Variants in CAMK1 observed in about 807,000 individuals in gnomAD.
The protein encoded by CAMK1 is calcium/calmodulin dependent protein kinase I.
Under a neutral mutation model 49.1 loss-of-function variants are expected in CAMK1, and 39 were observed. The observed-to-expected ratio is 0.79, with a 90% CI of 0.62 to 1.04. The LOEUF (loss-of-function observed/expected upper bound fraction) is 1.04. Among genes scored for constraint, CAMK1 ranks in the 50% least tolerant of loss-of-function variants. The pLI, the probability that CAMK1 is intolerant of heterozygous loss-of-function variation, is 0.00. For synonymous variants in CAMK1, 192 were observed against 185.2 expected, an observed-to-expected ratio of 1.04 and a Z score of -0.30; for missense variants, 457 against 472.2, an observed-to-expected ratio of 0.97 and a Z score of 0.30.
chr3:9,763,403 CAA>C (rs571944870), intron 3 of CAMK1, 190 bp from the exon 4 acceptor site: 3,568 of 76,030 alleles, frequency 0.047, 135 homozygotes, highest in African/African-American at 0.14. Context: ...GACCCTGTCT[CAA>C]AAAAAAAAAA....
chr3:9,761,914 G>T, intron 5 of CAMK1, 157 bp from the exon 6 acceptor site: 1 of 1,169,472 alleles, frequency 8.6e-7, no homozygotes, highest in Non-Finnish European at 1.2e-6. Context: ...TCTCAAGAAG[G>T]CCAAAAATTC....
chr3:9,760,648 C>T lies in CAMK1; in HGVS notation c.745+8G>A, dbSNP rs2077814694. On this transcript the variant is annotated splice_region_variant and intron_variant, in intron 8 of 11. Transcript: ENST00000256460. Reference sequence around the variant, plus strand: ...GGGCCCAGGGGAAAAAAGCAAAGCCCCAAATACCAGAGTCAGAGATGTCGT... The same window carrying T: ...GGGCCCAGGGGAAAAAAGCAAAGCCTCAAATACCAGAGTCAGAGATGTCGT... 1 of 1,613,714 alleles carries T rather than the reference C, an allele frequency of 6.2e-7. No individual in the cohort carries two copies. The highest frequency in any genetic ancestry group is 8.5e-7 in the Non-Finnish European group (1 of 1,179,820).
intron 10 of CAMK1, chr3:9,758,414 G>C (rs962026897): frequency 3.2e-5 from 5 of 154,588 alleles, no homozygotes; most frequent in African/African-American, 1.2e-4. Context: ...CCACAGTCTT[G>C]GGCCAGCCCT....
chr3:9,767,913 CA>C, intron 1 of CAMK1, 132 bp from the exon 2 acceptor site: 1 of 1,304,440 alleles, frequency 7.7e-7, no homozygotes, highest in South Asian at 1.7e-5. Flanking sequence ...AATCATTCAA[CA>C]AACATTCATT....
chr3:9,763,023 A>G lies in CAMK1; in HGVS notation c.320T>C (p.Ile107Thr), dbSNP rs2077961368. 5 of 1,613,990 alleles carry G rather than the reference A, an allele frequency of 3.1e-6. No homozygotes were observed. The highest frequency in any genetic ancestry group is 3.3e-4 in the Middle Eastern group (2 of 6,084). The change falls in exon 5 of 12, where the codon ATT becomes ACT. Residue 107 changes from isoleucine to threonine, a missense_variant. Coordinates refer to ENST00000256460, the MANE Select transcript of CAMK1 (RefSeq NM_003656.5). ...CTCCGTGTAGAAGCCTTTTTCCACA[A>G]TACGGTCAAAGAGCTCCCCACCCGA... ...LVSGGELFDR[I>T]VEKGFYTERD...
intron 2 of CAMK1, among the ~76,000 whole-genome samples, chr3:9,767,111 A>G (rs993438751): frequency 6.6e-6 from 1 of 152,036 alleles, no homozygotes; most frequent in African/African-American, 2.4e-5. Context: ...TTCCTCTCTG[A>G]CAAGTGCACA....
chr3:9,761,107 G>C lies in CAMK1; in HGVS notation c.633-339C>G. The C allele has an allele frequency of 1.2e-5, 4 of 346,056 alleles. No individual in the cohort carries two copies. In the South Asian group the frequency reaches 1.5e-4, roughly 13 times the overall value. 21.4% of individuals were successfully genotyped at this position (346,056 alleles called of 1,614,324 possible). A position where few individuals can be genotyped will look rare whatever the true frequency, so the allele number is the denominator to read the frequency against. ...CTCCCTACTGAAATGGCATCACCCC[G>C]TCTCCCTATTCCTGCTTGGTTTTTC... On this transcript the variant is annotated intron_variant, in intron 7 of 11. Transcript: ENST00000256460.
intron 10 of CAMK1, chr3:9,759,215 C>A (rs761032372): frequency 5.6e-6 from 9 of 1,614,008 alleles, no homozygotes; most frequent in Non-Finnish European, 7.6e-6. Context: ...ACTTTTATGA[C>A]CTTTCTCGGA....
rs1301431550 is a variant in CAMK1 at position 9,759,681 on chromosome 3, T to G, written c.815A>C (p.Gln272Pro). 3.1e-6 allele frequency: 5 copies of G among 1,614,106 alleles called. No homozygotes were observed. The African/African-American group carries it at 4.0e-5, about 13-fold the overall frequency. The stretch of plus-strand genomic sequence containing the variant: ...TTGTGTGAATTCTCACCATGGGTGC[T>G]GCAAGGCCTGCTCACAGGTGAATCT... Reference protein sequence around the residue: ...EKRFTCEQALQHPWIAGDTAL... With the variant: ...EKRFTCEQALPHPWIAGDTAL... Residue 272 changes from glutamine (Q) to proline (P), a missense_variant, in exon 9 of 12, where the codon CAG (glutamine) becomes CCG (proline). Transcript: ENST00000256460.
Position 9,765,802 on chromosome 3 carries a change from C to T in CAMK1, c.172G>A (p.Gly58Ser). The T allele has an allele frequency of 1.2e-6, 2 of 1,614,050 alleles. No individual in the cohort carries two copies. The highest frequency in any genetic ancestry group is 1.7e-6 in the Non-Finnish European group (2 of 1,179,984). Residue 58 changes from glycine to serine, a missense_variant, in exon 3 of 12, where the codon GGC becomes AGC. Physicochemically the swap from Gly to Ser is moderately conservative, Grantham distance 56. Coordinates refer to ENST00000256460, the MANE Select transcript of CAMK1 (RefSeq NM_003656.5). ...IKCIAKEALEGKEGSMENEIA... is the reference protein window; with the variant it reads ...IKCIAKEALESKEGSMENEIA... ...TCATTCTCCATGCTGCCTTCCTTGC[C>T]CTCCAGGGCCTCCTTGGCAATGCAT...
In CAMK1 at chr3:9,760,662, C is replaced by A; in HGVS notation, c.739G>T (p.Asp247Tyr). 6.2e-7 allele frequency: 1 copy of A among 1,613,926 alleles called. No homozygotes were observed. The highest frequency in any genetic ancestry group is 1.1e-5 in the South Asian group (1 of 91,042). Reference sequence around the variant, plus strand: ...AAAGCAAAGCCCCAAATACCAGAGTCAGAGATGTCGTCCCAGTAAGGAGAG... The same window carrying A: ...AAAGCAAAGCCCCAAATACCAGAGTAAGAGATGTCGTCCCAGTAAGGAGAG... ...FDSPYWDDIS[D>Y]SAKDFIRHLM... The change falls in exon 8 of 12, where the codon GAC (aspartate) becomes TAC (tyrosine). Residue 247 changes from aspartate to tyrosine, a missense_variant. Transcript: ENST00000256460.
chr3:9,769,189 T>C (rs1268883245), intron 1 of CAMK1, among the ~76,000 whole-genome samples: 1 of 150,358 alleles, frequency 6.7e-6, no homozygotes, highest in East Asian at 2.0e-4. Flanking sequence ...CTCACCCAGC[T>C]CCCTCTTACA....
chr3:9,759,230 A>G (rs1402391812), intron 10 of CAMK1: 1 of 1,614,194 alleles, frequency 6.2e-7, no homozygotes, highest in East Asian at 2.2e-5. Flanking sequence ...CTCGGACCCC[A>G]TAGGCTGGAT....
intron 2 of CAMK1, chr3:9,766,207 G>A: frequency 1.3e-6 from 1 of 746,606 alleles, no homozygotes; most frequent in Non-Finnish European, 2.4e-6. Context: ...CACCACCTGG[G>A]GAGAGCCTGC....
At chr3:9,765,691 G>A in intron 3 of CAMK1, 68 bp downstream of exon 3, 1 of 1,556,726 alleles carries the variant, frequency 6.4e-7, no homozygotes, top group Non-Finnish European at 8.8e-7. Flanking sequence ...TCCAAAGCAG[G>A]AAAGGAGGAG....
At chr3:9,761,208 A>G (rs373417359) in intron 7 of CAMK1, 46 of 442,364 alleles carry the variant, frequency 1.0e-4, no homozygotes, top group African/African-American at 8.1e-4. Flanking sequence ...CTTCCCTACT[A>G]GAAAGAAAGT....
In CAMK1 at chr3:9,757,963, T is replaced by C. The variant is rs940807169; in HGVS notation, c.913-117A>G. 4.1e-6 allele frequency: 6 copies of C among 1,472,006 alleles called. No individual in the cohort carries two copies. The highest frequency in any genetic ancestry group is 2.6e-5 in the Admixed American group (1 of 38,822). The allele number at this position is 1,472,006 out of a possible 1,614,324, so 91.2% of individuals were successfully genotyped here. On this transcript the variant is annotated intron_variant, in intron 10 of 11. Coordinates refer to ENST00000256460, the MANE Select transcript of CAMK1 (RefSeq NM_003656.5). The surrounding 1 kb of genome is among the most constrained non-coding windows in gnomAD (Gnocchi z 4.5). The stretch of plus-strand genomic sequence containing the variant: ...TTCTGTTATTTTCATTCAGGAGTTA[T>C]TTTATTAATTCCCCTAAAGCCCCCC...
chr3:9,763,458 C>A (rs1014756694), intron 3 of CAMK1, among the ~76,000 whole-genome samples: 33 of 151,770 alleles, frequency 2.2e-4, no homozygotes, highest in Non-Finnish European at 4.3e-4. Context: ...CAGCCACCCC[C>A]AACCCCCGAC....
In CAMK1 at chr3:9,761,214, A is replaced by T. The variant is rs552340744; in HGVS notation, c.632+247T>A. 1.1e-5 allele frequency: 5 copies of T among 449,848 alleles called. No homozygotes were observed. In the South Asian group the frequency reaches 1.5e-4, roughly 13 times the overall value. 27.9% of individuals were successfully genotyped at this position (449,848 alleles called of 1,614,324 possible). On this transcript the variant is annotated intron_variant, in intron 7 of 11. Coordinates refer to ENST00000256460, the MANE Select transcript of CAMK1 (RefSeq NM_003656.5). ...ATTGTCTGTCTTCCCTACTAGAAAG[A>T]AAGTCAGCTCCCTGAGGGCAGGCAC...
Sources: allele counts gnomAD v4.1 joint callset (sites outside exome capture counted in the v4.1 genomes callset), GRCh38; gene constraint gnomAD v4.1.1; non-coding constraint Gnocchi (gnomAD v3.1); transcripts MANE v1.5; gene names NCBI Gene and HGNC (gene_info 2026-07-23, HGNC 2026-07-21).